APOBEC3A: variants seen among roughly 807,000 people sequenced by gnomAD.
APOBEC3A encodes DNA dC->dU-editing enzyme APOBEC-3A.
A neutral mutation model predicts 23.0 loss-of-function variants in APOBEC3A; 13 were observed. The observed-to-expected ratio is 0.57, with a 90% CI of 0.37 to 0.90. The LOEUF is 0.90. APOBEC3A is among the 40% of genes least tolerant of loss of function. APOBEC3A has a pLI of 0.01. For missense variants in APOBEC3A, 179 were observed against 264.9 expected, an observed-to-expected ratio of 0.68 and a Z score of 2.25; for synonymous variants, 74 against 101.3, an observed-to-expected ratio of 0.73 and a Z score of 1.62.
In APOBEC3A at chr22:38,961,593, C is replaced by A. The variant is rs138829754; in HGVS notation, c.381C>A (p.Ala127=). 30 of 1,534,614 alleles carry A rather than the reference C, an allele frequency of 2.0e-5. 1 individual carries two copies. In the African/African-American group the frequency reaches 3.7e-4, roughly 19 times the overall value. ...NTHVRLRIFA[A]RIYDYDPLYK... ...ACGTGAGACTGCGTATCTTCGCTGC[C>A]CGCATCTATGATTACGACCCCCTAT... Residue 127 remains alanine, a synonymous_variant, in exon 3 of 5, where the codon GCC becomes GCA. Transcript: ENST00000249116.
At chr22:38,959,780 C>A in intron 2 of APOBEC3A, 94 bp downstream of exon 2, 2 of 1,484,648 alleles carry the variant, frequency 1.3e-6, no homozygotes, top group Non-Finnish European at 1.8e-6. Flanking sequence ...TGGTTTCCTG[C>A]AGTGTTTGTC....
chr22:38,958,792 TTTCTTTCC>T (rs1922727299), intron 1 of APOBEC3A, among the ~76,000 whole-genome samples: 1 of 150,750 alleles, frequency 6.6e-6, no homozygotes, highest in Non-Finnish European at 1.5e-5. Context: ...TCTTTCTTTC[TTTCTTTCC>T]TTCCTTCTTT....
intron 1 of APOBEC3A, among the ~76,000 whole-genome samples, chr22:38,959,104 T>C (rs4365560): frequency 0.24 from 36,305 of 151,914 alleles, 4,416 homozygotes; most frequent in Non-Finnish European, 0.26. Flanking sequence ...CTCTCCCCAG[T>C]CATCCCCCTC....
At chr22:38,958,064 A>C (rs1922649684) in intron 1 of APOBEC3A, among the ~76,000 whole-genome samples, 1 of 152,228 alleles carries the variant, frequency 6.6e-6, no homozygotes, top group African/African-American at 2.4e-5. Flanking sequence ...CAAATGTTCC[A>C]TGTATCTGGA....
chr22:38,959,891 G>A (rs1445431804), intron 2 of APOBEC3A, among the ~76,000 whole-genome samples: 1 of 152,180 alleles, frequency 6.6e-6, no homozygotes, highest in Non-Finnish European at 1.5e-5. Context: ...TCTGCCCAAT[G>A]GCAAAGTGCT....
In APOBEC3A at chr22:38,959,554, T is replaced by A. The variant is rs747958205; in HGVS notation, c.42T>A (p.Asp14Glu). The A allele has an allele frequency of 6.2e-7, 1 of 1,613,944 alleles. No individual in the cohort carries two copies. The highest frequency in any genetic ancestry group is 2.2e-5 in the East Asian group (1 of 44,862). The stretch of plus-strand genomic sequence containing the variant: ...TGGCTGTCCACAGACACTTGATGGA[T>A]CCACACATATTCACTTCCAACTTTA... ...SPASGPRHLM[D>E]PHIFTSNFNN... is the part of the protein sequence containing the mutation. Residue 14 changes from aspartate (D) to glutamate (E), a missense_variant, in exon 2 of 5, where the codon GAT becomes GAA. Transcript: ENST00000249116.
chr22:38,962,334 C>T, intron 4 of APOBEC3A, 121 bp downstream of exon 4: 4 of 1,566,200 alleles, frequency 2.6e-6, no homozygotes, highest in Non-Finnish European at 3.5e-6. Flanking sequence ...CACAGGGCGC[C>T]CAGCTCCGTC....
chr22:38,958,363 CTTTA>C (rs200968313), intron 1 of APOBEC3A, among the ~76,000 whole-genome samples: 1,934 of 147,282 alleles, frequency 0.013, 22 homozygotes, highest in Middle Eastern at 0.026. Flanking sequence ...CTCTTTCCTT[CTTTA>C]TTTCTTTTTC....
chr22:38,959,827 G>A (rs139514304), intron 2 of APOBEC3A, 141 bp downstream of exon 2: 3 of 1,240,902 alleles, frequency 2.4e-6, no homozygotes, highest in Non-Finnish European at 3.3e-6. Context: ...CTTGGCCCTG[G>A]GGTTGGGGGG....
rs2146276071 is a variant in APOBEC3A at position 38,962,765 on chromosome 22, T to C, written c.*256T>C. ...CGAGGTCAGGAGATCGAGACCATCC[T>C]GGCTAACACGGTGAAACCCTGTCTC... On this transcript the variant is annotated 3_prime_UTR_variant, in exon 5 of 5. Coordinates refer to ENST00000249116, the MANE Select transcript of APOBEC3A (RefSeq NM_145699.4). 7.9e-6 allele frequency: 7 copies of C among 887,484 alleles called. 1 individual carries two copies. The highest frequency in any genetic ancestry group is 3.8e-5 in the East Asian group (1 of 26,082). The allele number at this position is 887,484 out of a possible 1,614,324, so 55.0% of individuals were successfully genotyped here.
Position 38,959,706 on chromosome 22 carries a change from G to C in APOBEC3A, c.174+20G>C. ...AACCAGGTGACCGACCCAGCCATCC[G>C]AATCCGGGCAGGGCCCTTCCAATCC... is the stretch of plus-strand genomic sequence containing the variant. On this transcript the variant is annotated intron_variant, in intron 2 of 4. Coordinates refer to ENST00000249116, the MANE Select transcript of APOBEC3A (RefSeq NM_145699.4). The C allele has an allele frequency of 6.2e-7, 1 of 1,610,712 alleles. No homozygotes were observed. Among genetic ancestry groups the C allele is most frequent in the Non-Finnish European group, 8.5e-7 (1 of 1,178,074 alleles).
At chr22:38,959,497 C>G in intron 1 of APOBEC3A, 45 bp from the exon 2 acceptor site, 1 of 1,600,398 alleles carries the variant, frequency 6.2e-7, no homozygotes, top group Non-Finnish European at 8.5e-7. Context: ...CAGGGCAGTC[C>G]AGGAGGGCTC....
chr22:38,959,426 T>G lies in APOBEC3A; in HGVS notation c.30-116T>G, dbSNP rs1409386445. The G allele has an allele frequency of 2.3e-5, 29 of 1,244,472 alleles. No individual in the cohort carries two copies. The South Asian group carries it at 3.3e-4, about 14-fold the overall frequency. 77.1% of individuals were successfully genotyped at this position (1,244,472 alleles called of 1,614,324 possible). The stretch of plus-strand genomic sequence containing the variant: ...AGGTTTGGAAGTGTGCTAAGGGATG[T>G]GCGGAGCAGGGGGAAGGAGGGTGGG... On this transcript the variant is annotated intron_variant, in intron 1 of 4. Coordinates refer to ENST00000249116, the MANE Select transcript of APOBEC3A (RefSeq NM_145699.4).
chr22:38,957,678 G>A lies in APOBEC3A; in HGVS notation c.-14G>A. The A allele has an allele frequency of 6.2e-7, 1 of 1,612,638 alleles. No individual in the cohort carries two copies. Among genetic ancestry groups the A allele is most frequent in the Non-Finnish European group, 8.5e-7 (1 of 1,179,256 alleles). The stretch of plus-strand genomic sequence containing the variant: ...CGGGAGGACACAGACCAGGAACCGA[G>A]AAGGGACAAGCACATGGAAGCCAGC... On this transcript the variant is annotated 5_prime_UTR_variant, in exon 1 of 5. Coordinates refer to ENST00000249116, the MANE Select transcript of APOBEC3A (RefSeq NM_145699.4).
rs201221630 is a variant in APOBEC3A at position 38,958,572 on chromosome 22, TC to T, written c.29+854del. ...CTCCTTCCTTCCTCTCTTTCTTCTTTCCTTTCCTTCCTTTCTTCCTTCCTTC... is the reference window on the plus strand; with the variant it reads ...CTCCTTCCTTCCTCTCTTTCTTCTTTCTTTCCTTCCTTTCTTCCTTCCTTC... On this transcript the variant is annotated intron_variant, in intron 1 of 4. Transcript: ENST00000249116. Among the ~76,000 whole-genome samples, 1,285 of 143,482 alleles carry T rather than the reference TC, an allele frequency of 9.0e-3. 14 individuals carry two copies. Among genetic ancestry groups the T allele is most frequent in the African/African-American group, 0.033 (1,227 of 36,728 alleles). 94.1% of individuals were successfully genotyped at this position (143,482 alleles called of 152,430 possible).
intron 1 of APOBEC3A, among the ~76,000 whole-genome samples, chr22:38,958,518 CTTCT>C (rs1187115322): frequency 4.9e-4 from 60 of 121,298 alleles, no homozygotes; most frequent in African/African-American, 1.5e-3. Flanking sequence ...TCATTCTTTC[CTTCT>C]TTCTTTCTTT....
chr22:38,961,589 C>T lies in APOBEC3A; in HGVS notation c.377C>T (p.Ala126Val), dbSNP rs1237277124. ...ACACACGTGAGACTGCGTATCTTCGCTGCCCGCATCTATGATTACGACCCC... is the reference window on the plus strand; with the variant it reads ...ACACACGTGAGACTGCGTATCTTCGTTGCCCGCATCTATGATTACGACCCC... ...ENTHVRLRIF[A>V]ARIYDYDPLY... is the part of the protein sequence containing the mutation. The change falls in exon 3 of 5, where the codon GCT becomes GTT. Residue 126 changes from alanine (A) to valine (V), a missense_variant. Ala to Val is a moderately conservative substitution (Grantham distance 64). Coordinates refer to ENST00000249116, the MANE Select transcript of APOBEC3A (RefSeq NM_145699.4). 4 of 1,534,762 alleles carry T rather than the reference C, an allele frequency of 2.6e-6. No homozygotes were observed. In the African/African-American group the frequency reaches 5.9e-5, roughly 23 times the overall value.
At chr22:38,959,745 G>A (rs1050187033) in intron 2 of APOBEC3A, 59 bp downstream of exon 2, 2 of 1,581,768 alleles carry the variant, frequency 1.3e-6, no homozygotes, top group Admixed American at 3.6e-5. Flanking sequence ...GACATTCATA[G>A]GTAGAAGGTT....
chr22:38,962,099 A>C lies in APOBEC3A; in HGVS notation c.471A>C (p.Glu157Asp), dbSNP rs201396669. The C allele has an allele frequency of 6.2e-7, 1 of 1,606,478 alleles. No homozygotes were observed. Residue 157 changes from glutamate to aspartate, a missense_variant and splice_region_variant, in exon 4 of 5, where the codon GAA becomes GAC. Physicochemically the swap from Glu to Asp is conservative, Grantham distance 45. Around this residue, in one of 5 missense-constraint regions of APOBEC3A, gnomAD observed 8 missense variants for 35.2 expected, o/e 0.23. Coordinates refer to ENST00000249116, the MANE Select transcript of APOBEC3A (RefSeq NM_145699.4). ...CTTATCTCCCCTGTCCCTTTTCAGA[A>C]TTTAAGCACTGCTGGGACACCTTTG... ...GAQVSIMTYDEFKHCWDTFVD... is the reference protein window; with the variant it reads ...GAQVSIMTYDDFKHCWDTFVD...
Sources: gnomAD v4.1 joint callset for allele counts (sites outside exome capture counted in the v4.1 genomes callset) on GRCh38, gnomAD v4.1.1 for gene constraint, gnomAD v4.1.1 regional missense constraint, MANE v1.5 for transcripts, NCBI Gene and HGNC (gene_info 2026-07-23, HGNC 2026-07-21) for gene names.